The following VPS50 variants were observed in gnomAD, a reference collection of about 807,000 sequenced individuals.
VPS50 encodes the protein VPS50 subunit of EARP/GARPII complex, also known as syndetin.
Under a neutral mutation model 139.7 loss-of-function variants are expected in VPS50, and 70 were observed. The ratio of observed to expected loss-of-function variants is 0.50; its 90% CI spans 0.41 to 0.61. The LOEUF (loss-of-function observed/expected upper bound fraction) is 0.61. Among genes scored for constraint, VPS50 ranks in the 20% least tolerant of loss-of-function variants. The pLI is 0.00. For missense variants in VPS50, 921 were observed against 1,133.7 expected, an observed-to-expected ratio of 0.81 and a Z score of 2.69; for synonymous variants, 365 against 376.7, an observed-to-expected ratio of 0.97 and a Z score of 0.36.
intron 20 of VPS50, chr7:93,321,253 T>C (rs1797605837): frequency 6.6e-6 from 1 of 152,218 alleles, no homozygotes; most frequent in South Asian, 2.1e-4. Flanking sequence ...TTTTGACATT[T>C]TTCATTTTCT....
At chr7:93,311,702 C>T (rs1797272683) in intron 20 of VPS50, among the ~76,000 whole-genome samples, 1 of 152,016 alleles carries the variant, frequency 6.6e-6, no homozygotes, top group South Asian at 2.1e-4. Flanking sequence ...AAGGGATTTA[C>T]AAGCTAAATG....
chr7:93,311,134 C>G (rs767681512), intron 19 of VPS50, 32 bp from the exon 20 acceptor site: 1 of 883,962 alleles, frequency 1.1e-6, no homozygotes, highest in Non-Finnish European at 1.9e-6. Context: ...CTTGACAACT[C>G]TAGCAACTCT....
intron 18 of VPS50, among the ~76,000 whole-genome samples, chr7:93,308,571 G>A (rs1007479637): frequency 1.3e-5 from 2 of 151,762 alleles, no homozygotes. Context: ...TTAGGTTTTG[G>A]TTTATGGCGA....
intron 26 of VPS50, among the ~76,000 whole-genome samples, chr7:93,355,372 C>T (rs1477391390): frequency 6.6e-6 from 1 of 152,014 alleles, no homozygotes; most frequent in Non-Finnish European, 1.5e-5. Context: ...GGTCTATAAG[C>T]TTTTTATCAT....
intron 20 of VPS50, among the ~76,000 whole-genome samples, chr7:93,314,301 G>A (rs961067624): frequency 9.9e-5 from 15 of 152,190 alleles, no homozygotes; most frequent in Admixed American, 2.6e-4. Context: ...TTTTCAAGTA[G>A]TATTTACTTG....
intron 21 of VPS50, among the ~76,000 whole-genome samples, chr7:93,328,885 C>T (rs1382860849): frequency 6.6e-6 from 1 of 151,986 alleles, no homozygotes; most frequent in African/African-American, 2.4e-5. Flanking sequence ...ATTCCATGAT[C>T]CATGATTATA....
chr7:93,349,094 G>A (rs1406858054), intron 24 of VPS50, among the ~76,000 whole-genome samples: 1 of 152,162 alleles, frequency 6.6e-6, no homozygotes, highest in Non-Finnish European at 1.5e-5. Flanking sequence ...ATTTAACCCA[G>A]ACTGGAGAAG....
intron 11 of VPS50, chr7:93,273,039 C>T (rs755904128): frequency 6.1e-6 from 1 of 162,704 alleles, no homozygotes; most frequent in African/African-American, 2.4e-5. Flanking sequence ...AACATGTAGT[C>T]TCTTTTAACT....
chr7:93,266,305 A>G (rs545585660), intron 9 of VPS50, among the ~76,000 whole-genome samples: 3 of 152,212 alleles, frequency 2.0e-5, no homozygotes, highest in African/African-American at 7.2e-5. Context: ...AACCCTTTCT[A>G]TCTGGCCCAC....
At position 93,252,880 on chromosome 7, in the gene VPS50, G is replaced by C. The variant is rs542128328; in HGVS notation, c.225+105G>C. On this transcript the variant is annotated intron_variant, in intron 3 of 27. Transcript: ENST00000305866. ...AGGCATTTATGTATTTTTGGTACCA[G>C]AATAGGTCTGTGATTACCACATTGT... is the stretch of plus-strand genomic sequence containing the variant. The C allele has an allele frequency of 4.5e-5, 36 of 802,332 alleles. 1 individual carries two copies. In the South Asian group the frequency reaches 5.0e-4, roughly 11 times the overall value. The allele number at this position is 802,332 out of a possible 1,614,324, so 49.7% of individuals were successfully genotyped here.
At chr7:93,307,101 G>A (rs1341824865) in intron 18 of VPS50, among the ~76,000 whole-genome samples, 7 of 151,808 alleles carry the variant, frequency 4.6e-5, no homozygotes. Flanking sequence ...GCAGCAGTGT[G>A]TTCTATAAAG....
intron 12 of VPS50, 150 bp downstream of exon 12, chr7:93,276,455 C>A: frequency 7.9e-7 from 1 of 1,266,408 alleles, no homozygotes; most frequent in Non-Finnish European, 1.0e-6. Flanking sequence ...TTGTTCTTTT[C>A]CTTATAGAGA....
chr7:93,237,360 A>G (rs1480945043), intron 1 of VPS50, among the ~76,000 whole-genome samples: 1 of 152,128 alleles, frequency 6.6e-6, no homozygotes, highest in African/African-American at 2.4e-5. Flanking sequence ...ATACAAACTC[A>G]AGTGGTCTGC....
chr7:93,262,920 A>C (rs920711149), intron 9 of VPS50, among the ~76,000 whole-genome samples: 3 of 152,224 alleles, frequency 2.0e-5, no homozygotes, highest in African/African-American at 7.2e-5. Flanking sequence ...ATAATGTGGG[A>C]TATAAGGATA....
intron 2 of VPS50, among the ~76,000 whole-genome samples, chr7:93,245,936 A>C (rs1795139024): frequency 6.6e-6 from 1 of 151,794 alleles, no homozygotes; most frequent in Non-Finnish European, 1.5e-5. Flanking sequence ...ATCTTGAAAT[A>C]AGTTTTGAAT....
intron 11 of VPS50, among the ~76,000 whole-genome samples, chr7:93,274,568 TTC>T (rs1310835343): frequency 9.9e-5 from 15 of 152,214 alleles, no homozygotes; most frequent in African/African-American, 3.6e-4. Flanking sequence ...TTCAAAATAT[TTC>T]TGTCTATTGA....
chr7:93,311,765 T>G lies in VPS50; in HGVS notation c.1855+493T>G, dbSNP rs538977334. ...TAACAGATAAGACCTTTATTGATGA[T>G]TTTGTAGAAGGCAAACAATATGAAG... is the stretch of plus-strand genomic sequence containing the variant. On this transcript the variant is annotated intron_variant, in intron 20 of 27. Transcript: ENST00000305866. Among the ~76,000 whole-genome samples, 11 of 152,240 alleles carry G rather than the reference T, an allele frequency of 7.2e-5. No individual in the cohort carries two copies. In the South Asian group the frequency reaches 1.0e-3, roughly 14 times the overall value.
intron 1 of VPS50, among the ~76,000 whole-genome samples, chr7:93,233,020 C>A (rs554894765): frequency 1.3e-5 from 2 of 152,310 alleles, no homozygotes; most frequent in South Asian, 4.1e-4. Context: ...CTTCACAGTT[C>A]TGTTATGAGG....
At position 93,259,638 on chromosome 7, in the gene VPS50, G is replaced by A. The variant is rs754378557; in HGVS notation, c.659+6G>A. ...AAACATTACAGTTGTATAAGGTAAG[G>A]TCATGTAAATGTTTTAAAGCAGATT... On this transcript the variant is annotated splice_donor_region_variant and intron_variant, in intron 9 of 27. Coordinates refer to ENST00000305866, the MANE Select transcript of VPS50 (RefSeq NM_017667.4). 2.1e-5 allele frequency: 31 copies of A among 1,506,538 alleles called. No homozygotes were observed. Among genetic ancestry groups the A allele is most frequent in the Middle Eastern group, 1.7e-4 (1 of 5,880 alleles). 93.3% of individuals were successfully genotyped at this position (1,506,538 alleles called of 1,614,324 possible).
Sources: allele counts gnomAD v4.1 joint callset (sites outside exome capture counted in the v4.1 genomes callset), GRCh38; gene constraint gnomAD v4.1.1; transcripts MANE v1.5; gene names NCBI Gene and HGNC (gene_info 2026-07-23, HGNC 2026-07-21).